The following FBXL17 variants were observed in gnomAD, a reference collection of about 807,000 sequenced individuals.
The protein encoded by FBXL17 is F-box/LRR-repeat protein 17.
A neutral mutation model predicts 66.2 loss-of-function variants in FBXL17; 22 were observed. That is an observed-to-expected ratio of 0.33 (90% confidence interval 0.24 to 0.47). The LOEUF (loss-of-function observed/expected upper bound fraction) is 0.47, where lower values mean the gene tolerates loss of function less well. Among genes scored for constraint, FBXL17 ranks in the 20% least tolerant of loss-of-function variants. The pLI, the probability that FBXL17 is intolerant of heterozygous loss-of-function variation, is 1.00. For missense variants in FBXL17, 878 were observed against 948.2 expected, an observed-to-expected ratio of 0.93 and a Z score of 0.97; for synonymous variants, 474 against 400.5, an observed-to-expected ratio of 1.18 and a Z score of -2.19.
intron 7 of FBXL17, among the ~76,000 whole-genome samples, chr5:108,009,518 G>C (rs1427228628): frequency 1.3e-5 from 2 of 151,172 alleles, no homozygotes; most frequent in Non-Finnish European, 2.9e-5. Flanking sequence ...AGGCACGGAG[G>C]CTGGATCAGC....
rs528599859 is a variant in FBXL17 at position 107,966,110 on chromosome 5, C to T, written c.1822+54815G>A. 3.3e-5 allele frequency among the ~76,000 whole-genome samples: 5 copies of T among 152,188 alleles called. No homozygotes were observed. The East Asian group carries it at 9.6e-4, about 29-fold the overall frequency. On this transcript the variant is annotated intron_variant, in intron 7 of 8. Transcript: ENST00000542267. ...ATAAAAATTAAACAATAATAAAAAG[C>T]CTGTTGAAAACTTTGGGGTATTTGC...
chr5:107,995,764 A>C (rs1404008726), intron 7 of FBXL17, among the ~76,000 whole-genome samples: 2 of 152,184 alleles, frequency 1.3e-5, no homozygotes, highest in Non-Finnish European at 2.9e-5. Context: ...AAGTAGTATT[A>C]AATCAATAAG....
At chr5:108,082,523 C>T (rs762502993) in intron 6 of FBXL17, among the ~76,000 whole-genome samples, 66 of 152,214 alleles carry the variant, frequency 4.3e-4, no homozygotes, top group Non-Finnish European at 7.1e-4. Flanking sequence ...AGCCACCTGA[C>T]ATGCTGCCTC....
intron 6 of FBXL17, among the ~76,000 whole-genome samples, chr5:108,035,779 C>T (rs952481360): frequency 6.6e-6 from 1 of 152,094 alleles, no homozygotes; most frequent in South Asian, 2.1e-4. Context: ...CACCTTAAGT[C>T]TAGAGTTCAG....
chr5:108,083,106 A>G (rs547516586), intron 6 of FBXL17, among the ~76,000 whole-genome samples: 3 of 152,258 alleles, frequency 2.0e-5, no homozygotes, highest in Middle Eastern at 3.4e-3. Flanking sequence ...ATCAATATTT[A>G]AGAAGGTGTA....
At chr5:108,185,704 CT>C (rs1208633345) in intron 6 of FBXL17, among the ~76,000 whole-genome samples, 2 of 152,170 alleles carry the variant, frequency 1.3e-5, no homozygotes, top group East Asian at 3.9e-4. Flanking sequence ...AAAATGTCAC[CT>C]TTAAGAAAGG....
intron 7 of FBXL17, among the ~76,000 whole-genome samples, chr5:107,992,445 C>G (rs1391276780): frequency 3.3e-5 from 5 of 151,976 alleles, no homozygotes; most frequent in Non-Finnish European, 4.4e-5. Flanking sequence ...TTGAAAAAGT[C>G]ATATAAAAAA....
At chr5:108,355,155 TAAC>T (rs1747895775) in intron 3 of FBXL17, among the ~76,000 whole-genome samples, 1 of 151,964 alleles carries the variant, frequency 6.6e-6, no homozygotes, top group Non-Finnish European at 1.5e-5. Context: ...AGCTAGCAGA[TAAC>T]AATTTCTTCA....
At chr5:108,095,495 C>A (rs1749333062) in intron 6 of FBXL17, among the ~76,000 whole-genome samples, 1 of 152,038 alleles carries the variant, frequency 6.6e-6, no homozygotes, top group African/African-American at 2.4e-5. Flanking sequence ...GTCCTAACCT[C>A]ATATACTGTA....
chr5:108,204,344 C>T (rs1256265766), intron 5 of FBXL17, among the ~76,000 whole-genome samples: 1 of 152,044 alleles, frequency 6.6e-6, no homozygotes, highest in Non-Finnish European at 1.5e-5. Context: ...GCATACACCA[C>T]CAAACCCAGC....
intron 7 of FBXL17, among the ~76,000 whole-genome samples, chr5:107,921,742 C>A (rs562172705): frequency 7.9e-5 from 12 of 152,336 alleles, no homozygotes; most frequent in African/African-American, 2.6e-4. Context: ...TTGCTCTGAG[C>A]ACTGCTGGCT....
chr5:108,001,868 C>T (rs1753743191), intron 7 of FBXL17, among the ~76,000 whole-genome samples: 1 of 151,784 alleles, frequency 6.6e-6, no homozygotes, highest in Non-Finnish European at 1.5e-5. Context: ...TGGGCTAATA[C>T]TTTAAACATC....
intron 6 of FBXL17, among the ~76,000 whole-genome samples, chr5:108,170,050 A>G (rs541197508): frequency 6.6e-6 from 1 of 152,358 alleles, no homozygotes; most frequent in East Asian, 1.9e-4. Context: ...TTCCCCAAAC[A>G]TAAGATTCTC....
At chr5:108,231,273 C>T (rs1470321370) in intron 4 of FBXL17, among the ~76,000 whole-genome samples, 1 of 152,130 alleles carries the variant, frequency 6.6e-6, no homozygotes, top group African/African-American at 2.4e-5. Flanking sequence ...GTTTTGAACA[C>T]TTTCATCACA....
intron 7 of FBXL17, among the ~76,000 whole-genome samples, chr5:108,004,336 C>A (rs1753846574): frequency 6.6e-6 from 1 of 151,950 alleles, no homozygotes. Context: ...ATAATGTAAT[C>A]CTACTTATTC....
intron 7 of FBXL17, among the ~76,000 whole-genome samples, chr5:108,003,612 G>A (rs893581906): frequency 6.6e-6 from 1 of 152,052 alleles, no homozygotes; most frequent in Non-Finnish European, 1.5e-5. Context: ...GAAAACATGA[G>A]CAAGTAACAT....
chr5:108,020,623 A>T lies in FBXL17; in HGVS notation c.1822+302T>A, dbSNP rs1754557465. 2.6e-5 allele frequency among the ~76,000 whole-genome samples: 4 copies of T among 151,696 alleles called. No individual in the cohort carries two copies. In the South Asian group the frequency reaches 8.3e-4, roughly 31 times the overall value. On this transcript the variant is annotated intron_variant, in intron 7 of 8. Coordinates refer to ENST00000542267, the MANE Select transcript of FBXL17 (RefSeq NM_001163315.3). ...ATTATGCTCAACATTTTATTGTTAA[A>T]CTTATTTTCATTGTATACCTCTTTT...
intron 6 of FBXL17, among the ~76,000 whole-genome samples, chr5:108,144,106 T>C (rs773900010): frequency 1.2e-4 from 18 of 152,166 alleles, no homozygotes; most frequent in Non-Finnish European, 2.1e-4. Context: ...CATAATTCTT[T>C]GGTATTTCTA....
chr5:107,933,244 G>A (rs1195480294), intron 7 of FBXL17, among the ~76,000 whole-genome samples: 2 of 152,194 alleles, frequency 1.3e-5, no homozygotes, highest in African/African-American at 2.4e-5. Context: ...TAAAGAATGA[G>A]ATGGAACTTG....
Sources: allele counts gnomAD v4.1 joint callset (sites outside exome capture counted in the v4.1 genomes callset), GRCh38; gene constraint gnomAD v4.1.1; transcripts MANE v1.5; gene names NCBI Gene and HGNC (gene_info 2026-07-23, HGNC 2026-07-21).